The following ANO4 variants were observed in gnomAD, a reference collection of about 807,000 sequenced individuals.
ANO4 encodes anoctamin 4.
ANO4 carries 69 observed loss-of-function variants against 141.9 expected under a neutral mutation model. That is an observed-to-expected ratio of 0.49 (90% confidence interval 0.40 to 0.59). The LOEUF is 0.59. Among genes scored for constraint, ANO4 ranks in the 20% least tolerant of loss-of-function variants. The probability of loss-of-function intolerance (pLI) is 0.00; values close to 1 mark genes in which losing one functional copy is unlikely to be tolerated. For missense variants in ANO4, 894 were observed against 1,162.2 expected, an observed-to-expected ratio of 0.77 and a Z score of 3.36; for synonymous variants, 350 against 394.3, an observed-to-expected ratio of 0.89 and a Z score of 1.33.
At chr12:100,930,700 A>G (rs991487575) in intron 3 of ANO4, among the ~76,000 whole-genome samples, 1 of 152,178 alleles carries the variant, frequency 6.6e-6, no homozygotes, top group African/African-American at 2.4e-5. Context: ...AATAACTAGA[A>G]CCGCAGGTTC....
At chr12:100,956,018 C>G (rs1592830696) in intron 5 of ANO4, among the ~76,000 whole-genome samples, 1 of 152,180 alleles carries the variant, frequency 6.6e-6, no homozygotes, top group Non-Finnish European at 1.5e-5. Flanking sequence ...TATATGCTCG[C>G]TTAGCAATTT....
intron 5 of ANO4, among the ~76,000 whole-genome samples, chr12:100,954,642 C>G (rs2043108730): frequency 6.6e-6 from 1 of 152,164 alleles, no homozygotes; most frequent in South Asian, 2.1e-4. Context: ...TGTTCCCTGT[C>G]CCTTCATTTG....
rs545748674 is a variant in ANO4 at position 101,091,184 on chromosome 12, A to G, written c.1702-3072A>G. The stretch of plus-strand genomic sequence containing the variant: ...GTACTCTGATTTTCAGCCAACATCA[A>G]ACTAGAATAACATAAGGTTGCTAAC... On this transcript the variant is annotated intron_variant, in intron 17 of 27. Coordinates refer to ENST00000392977, the MANE Select transcript of ANO4 (RefSeq NM_001286615.2). Among the ~76,000 whole-genome samples, 14 of 152,324 alleles carry G rather than the reference A, an allele frequency of 9.2e-5. 1 individual carries two copies. The South Asian group carries it at 2.9e-3, about 32-fold the overall frequency.
At chr12:101,102,171 A>G (rs896598296) in intron 22 of ANO4, among the ~76,000 whole-genome samples, 1 of 152,242 alleles carries the variant, frequency 6.6e-6, no homozygotes, top group Middle Eastern at 3.2e-3. Flanking sequence ...TCTTATAAAT[A>G]ATACCTTTAC....
intron 13 of ANO4, among the ~76,000 whole-genome samples, chr12:101,047,165 C>G (rs1277456350): frequency 6.6e-6 from 1 of 152,168 alleles, no homozygotes; most frequent in African/African-American, 2.4e-5. Flanking sequence ...AGGAAAATCA[C>G]TTGAACCCAG....
chr12:100,739,419 C>T (rs1364466561), intron 2 of ANO4, among the ~76,000 whole-genome samples: 1 of 152,114 alleles, frequency 6.6e-6, no homozygotes, highest in African/African-American at 2.4e-5. Context: ...GGAGTCAAAT[C>T]TGTGCTGAAG....
chr12:100,966,897 A>T (rs911090957), intron 5 of ANO4, among the ~76,000 whole-genome samples: 7 of 151,740 alleles, frequency 4.6e-5, no homozygotes, highest in Admixed American at 4.6e-4. Context: ...ACACACACAC[A>T]CACACACATA....
chr12:100,984,227 G>A (rs1393816368), intron 7 of ANO4, among the ~76,000 whole-genome samples: 1 of 152,154 alleles, frequency 6.6e-6, no homozygotes, highest in African/African-American at 2.4e-5. Flanking sequence ...CTCCTAAGTA[G>A]CTGGGATTAC....
intron 25 of ANO4, among the ~76,000 whole-genome samples, chr12:101,119,818 G>T (rs1344286196): frequency 6.6e-6 from 1 of 152,184 alleles, no homozygotes; most frequent in Non-Finnish European, 1.5e-5. Flanking sequence ...AGAGCTTGTT[G>T]TATTATTAAA....
intron 22 of ANO4, among the ~76,000 whole-genome samples, chr12:101,103,176 A>T: frequency 3.9e-5 from 4 of 101,482 alleles, no homozygotes; most frequent in East Asian, 2.4e-4. Flanking sequence ...TTTCCTTTTT[A>T]GTCATTTTAT....
At chr12:101,076,713 A>C (rs1052670179) in intron 14 of ANO4, among the ~76,000 whole-genome samples, 1 of 152,260 alleles carries the variant, frequency 6.6e-6, no homozygotes. Flanking sequence ...AAGTGTCTTT[A>C]TGCTCATGGA....
chr12:101,067,008 A>G, intron 14 of ANO4: 1 of 586,938 alleles, frequency 1.7e-6, no homozygotes, highest in Non-Finnish European at 3.0e-6. Context: ...AAAAAAAAAA[A>G]AAAAAAAAAG....
chr12:101,105,072 C>G (rs143905402), intron 22 of ANO4, among the ~76,000 whole-genome samples: 1 of 152,090 alleles, frequency 6.6e-6, no homozygotes, highest in Non-Finnish European at 1.5e-5. Flanking sequence ...GAAGAGCTAA[C>G]CTTAAAACCT....
chr12:101,044,939 C>T (rs781454833), intron 13 of ANO4, among the ~76,000 whole-genome samples: 1 of 151,966 alleles, frequency 6.6e-6, no homozygotes, highest in African/African-American at 2.4e-5. Flanking sequence ...CAGATATAAG[C>T]CTGAATGACT....
chr12:100,838,855 T>C (rs2037085968), intron 1 of ANO4, among the ~76,000 whole-genome samples: 1 of 152,106 alleles, frequency 6.6e-6, no homozygotes, highest in East Asian at 1.9e-4. Context: ...AAAACTGTAA[T>C]TATCAAGTGT....
chr12:100,837,063 T>C lies in ANO4; in HGVS notation c.-141+42036T>C, dbSNP rs535117828. ...TAATAGGTAGGTTGAAGAAATGATA[T>C]CAGAGAAGCCAGGCTTTGCCTTGTG... On this transcript the variant is annotated intron_variant, in intron 1 of 27. Transcript: ENST00000392977. 1.6e-4 allele frequency among the ~76,000 whole-genome samples: 25 copies of C among 152,284 alleles called. No homozygotes were observed. In the South Asian group the frequency reaches 4.6e-3, roughly 28 times the overall value.
intron 3 of ANO4, among the ~76,000 whole-genome samples, chr12:100,749,202 T>C (rs1221576348): frequency 6.6e-6 from 1 of 152,182 alleles, no homozygotes; most frequent in African/African-American, 2.4e-5. Flanking sequence ...GTGTTATCAA[T>C]AGAGGTATTG....
chr12:100,917,775 ATATCT>A (rs1343846880), intron 2 of ANO4, among the ~76,000 whole-genome samples: 1 of 152,192 alleles, frequency 6.6e-6, no homozygotes, highest in Non-Finnish European at 1.5e-5. Flanking sequence ...AGACAGAAAA[ATATCT>A]TATATTTGGG....
At chr12:100,782,755 AT>A (rs2033750153) in intron 3 of ANO4, among the ~76,000 whole-genome samples, 1 of 151,334 alleles carries the variant, frequency 6.6e-6, no homozygotes, top group Non-Finnish European at 1.5e-5. Flanking sequence ...CTGATATTTT[AT>A]AGACTTCCTT....
Sources: gnomAD v4.1 joint callset for allele counts (sites outside exome capture counted in the v4.1 genomes callset) on GRCh38, gnomAD v4.1.1 for gene constraint, MANE v1.5 for transcripts, NCBI Gene and HGNC (gene_info 2026-07-23, HGNC 2026-07-21) for gene names.